Variants in SCHIP1 observed in about 807,000 individuals in gnomAD.
SCHIP1 encodes the protein schwannomin interacting protein 1.
A neutral mutation model predicts 29.7 loss-of-function variants in SCHIP1; 8 were observed. The ratio of observed to expected loss-of-function variants is 0.27; its 90% CI spans 0.16 to 0.49. SCHIP1 has a LOEUF of 0.49. Ranked by LOEUF, SCHIP1 falls within the 20% of genes least tolerant of loss-of-function variation. The pLI is 0.99. For synonymous variants in SCHIP1, 76 were observed against 94.9 expected, an observed-to-expected ratio of 0.80 and a Z score of 1.16; for missense variants, 193 against 294.6, an observed-to-expected ratio of 0.66 and a Z score of 2.52.
the SCHIP1 span, among the ~76,000 whole-genome samples, chr3:159,453,370 G>A: frequency 6.6e-6 from 1 of 152,168 alleles, no homozygotes; most frequent in South Asian, 2.1e-4. Flanking sequence ...AAACTGCAAA[G>A]CGCTGCCTAA....
At chr3:159,869,684 T>TA (rs1249553193) in intron 2 of SCHIP1, among the ~76,000 whole-genome samples, 1 of 151,946 alleles carries the variant, frequency 6.6e-6, no homozygotes, top group East Asian at 1.9e-4. Flanking sequence ...TGCTGCCTGT[T>TA]ACGGCTTTTT....
the SCHIP1 span, among the ~76,000 whole-genome samples, chr3:159,563,383 TGA>T: frequency 6.6e-6 from 1 of 152,134 alleles, no homozygotes; most frequent in African/African-American, 2.4e-5. Context: ...TTTTCCATGA[TGA>T]GAGAACAGAT....
the SCHIP1 span, among the ~76,000 whole-genome samples, chr3:159,571,307 A>G: frequency 1.3e-5 from 2 of 152,204 alleles, no homozygotes; most frequent in Admixed American, 6.5e-5. Context: ...ACGTCCCATC[A>G]ATACCTAGTT....
the SCHIP1 span, among the ~76,000 whole-genome samples, chr3:159,481,403 C>T: frequency 6.6e-6 from 1 of 152,156 alleles, no homozygotes; most frequent in East Asian, 1.9e-4. Context: ...TCTGTATTGA[C>T]TGTACACTTA....
In SCHIP1 at chr3:159,887,734, T is replaced by C. The variant is rs772615441; in HGVS notation, c.294T>C (p.Asp98=). 5 of 1,613,994 alleles carry C rather than the reference T, an allele frequency of 3.1e-6. No homozygotes were observed. In the South Asian group the frequency reaches 4.4e-5, roughly 14 times the overall value. Residue 98 remains aspartate (D), a synonymous_variant, in exon 4 of 7, where the codon GAT becomes GAC. Transcript: ENST00000445224. ...GCAAACAGAGTTCTTCCTATTCTGA[T>C]AGAGACACTACTGAAGAGGAGTCTG...
At chr3:159,733,178 A>T in the SCHIP1 span, among the ~76,000 whole-genome samples, 1 of 152,126 alleles carries the variant, frequency 6.6e-6, no homozygotes, top group East Asian at 1.9e-4. Context: ...AAGAAATCTC[A>T]TTTAAGCTAA....
chr3:159,668,224 A>C, the SCHIP1 span, among the ~76,000 whole-genome samples: 1 of 152,064 alleles, frequency 6.6e-6, no homozygotes, highest in Non-Finnish European at 1.5e-5. Context: ...CAAAAGAAAA[A>C]AAATTAGCCG....
chr3:159,382,841 A>G, the SCHIP1 span, among the ~76,000 whole-genome samples: 3 of 152,110 alleles, frequency 2.0e-5, no homozygotes, highest in Non-Finnish European at 4.4e-5. Context: ...TTTGATTTGC[A>G]TTTCTATGAT....
At chr3:159,424,853 C>T in the SCHIP1 span, among the ~76,000 whole-genome samples, 57 of 152,224 alleles carry the variant, frequency 3.7e-4, no homozygotes, top group African/African-American at 1.3e-3. Context: ...TCGGCAGAAA[C>T]TCTAAAAGCC....
chr3:159,407,815 T>A, the SCHIP1 span, among the ~76,000 whole-genome samples: 4 of 151,882 alleles, frequency 2.6e-5, no homozygotes, highest in African/African-American at 9.7e-5. Context: ...AAGAAGGAAA[T>A]GGAAAAATTT....
the SCHIP1 span, among the ~76,000 whole-genome samples, chr3:159,733,603 A>C: frequency 1.3e-5 from 2 of 152,204 alleles, no homozygotes; most frequent in Admixed American, 1.3e-4. Flanking sequence ...GGAGTGAACA[A>C]GAAGGCTGGA....
the SCHIP1 span, among the ~76,000 whole-genome samples, chr3:159,523,677 A>T: frequency 6.6e-6 from 1 of 152,192 alleles, no homozygotes; most frequent in Non-Finnish European, 1.5e-5. Flanking sequence ...CCATCTATCC[A>T]TCCCGTCATC....
At chr3:159,631,904 G>A in the SCHIP1 span, among the ~76,000 whole-genome samples, 1 of 152,016 alleles carries the variant, frequency 6.6e-6, no homozygotes, top group Non-Finnish European at 1.5e-5. Context: ...GTTTCTCTGT[G>A]TGATATGCAC....
the SCHIP1 span, among the ~76,000 whole-genome samples, chr3:159,821,326 G>A: frequency 0.049 from 7,390 of 152,276 alleles, 208 homozygotes; most frequent in Non-Finnish European, 0.069. Context: ...GAGTGTGGGA[G>A]TAAACAGACA....
the SCHIP1 span, among the ~76,000 whole-genome samples, chr3:159,787,252 G>A: frequency 1.3e-5 from 2 of 152,172 alleles, no homozygotes; most frequent in Admixed American, 6.5e-5. Flanking sequence ...TATAGGATAC[G>A]AGCCTCTGCC....
At chr3:159,480,091 C>T in the SCHIP1 span, among the ~76,000 whole-genome samples, 4 of 152,138 alleles carry the variant, frequency 2.6e-5, no homozygotes, top group Non-Finnish European at 2.9e-5. Flanking sequence ...GTTTTATTGT[C>T]TAAGGTCATG....
the SCHIP1 span, among the ~76,000 whole-genome samples, chr3:159,697,408 AT>A: frequency 3.3e-5 from 5 of 152,156 alleles, no homozygotes; most frequent in African/African-American, 4.8e-5. Context: ...AGGTCTGGAA[AT>A]TTGAAAGTCA....
chr3:159,317,778 G>A, the SCHIP1 span, among the ~76,000 whole-genome samples: 3 of 152,312 alleles, frequency 2.0e-5, no homozygotes, highest in South Asian at 2.1e-4. Context: ...CTATGACAGT[G>A]GACAAGATAT....
chr3:159,875,568 G>A (rs1715718479), intron 2 of SCHIP1, among the ~76,000 whole-genome samples: 1 of 152,204 alleles, frequency 6.6e-6, no homozygotes, highest in South Asian at 2.1e-4. Context: ...TATTACTGTA[G>A]TTTGCATTCT....
Sources: allele counts gnomAD v4.1 joint callset (sites outside exome capture counted in the v4.1 genomes callset), GRCh38; gene constraint gnomAD v4.1.1; transcripts MANE v1.5; gene names NCBI Gene and HGNC (gene_info 2026-07-23, HGNC 2026-07-21).